The following LRRC4C variants were observed in gnomAD, a reference collection of about 807,000 sequenced individuals.
The protein encoded by LRRC4C is leucine-rich repeat-containing protein 4C.
A neutral mutation model predicts 33.6 loss-of-function variants in LRRC4C; 5 were observed. The observed-to-expected ratio is 0.15, with a 90% CI of 0.08 to 0.31. The LOEUF is 0.31. Ranked by LOEUF, LRRC4C falls within the 10% of genes least tolerant of loss-of-function variation. The pLI is 1.00. For missense variants in LRRC4C, 560 were observed against 796.7 expected (o/e 0.70, Z 3.58); for synonymous variants, 329 against 302.0 (o/e 1.09, Z -0.93).
intron 1 of LRRC4C, among the ~76,000 whole-genome samples, chr11:40,986,002 A>G (rs1852965497): frequency 6.6e-6 from 1 of 152,238 alleles, no homozygotes; most frequent in African/African-American, 2.4e-5. Context: ...GTAAGCATTT[A>G]TATACATTTT....
chr11:40,617,452 T>A (rs1961975938), intron 3 of LRRC4C, among the ~76,000 whole-genome samples: 3 of 151,696 alleles, frequency 2.0e-5, no homozygotes, highest in Non-Finnish European at 4.4e-5. Flanking sequence ...GTAGTGTAAA[T>A]TATTGCCTAG....
At chr11:41,289,993 G>A (rs907601954) in intron 1 of LRRC4C, among the ~76,000 whole-genome samples, 1 of 152,188 alleles carries the variant, frequency 6.6e-6, no homozygotes, top group Non-Finnish European at 1.5e-5. Flanking sequence ...ATGACAGGGA[G>A]TCATCAAAAT....
rs952327972 is a variant in LRRC4C at position 41,400,111 on chromosome 11, C to CATCTA, written c.-496+59315_-496+59319dup. Among the ~76,000 whole-genome samples the CATCTA allele has an allele frequency of 2.6e-5, 4 of 152,080 alleles. 1 individual carries two copies. Among genetic ancestry groups the CATCTA allele is most frequent in the African/African-American group, 9.6e-5 (4 of 41,550 alleles). ...ATTAAGAGATGAGGCTCTCAGGAAA[C>CATCTA]ATCTAATCTAAGTCAGACCCTAGTT... On this transcript the variant is annotated intron_variant, in intron 1 of 6. Transcript: ENST00000528697.
chr11:40,369,257 T>G (rs1948345654), intron 3 of LRRC4C, among the ~76,000 whole-genome samples: 1 of 152,196 alleles, frequency 6.6e-6, no homozygotes, highest in Non-Finnish European at 1.5e-5. Context: ...ATTGCTGGCA[T>G]TTCTCTTCAG....
intron 3 of LRRC4C, among the ~76,000 whole-genome samples, chr11:40,596,106 A>G (rs1959261592): frequency 6.6e-6 from 1 of 152,154 alleles, no homozygotes; most frequent in Admixed American, 6.6e-5. Flanking sequence ...CAAGTCTCAG[A>G]ATTACAGATG....
intron 3 of LRRC4C, among the ~76,000 whole-genome samples, chr11:40,591,484 C>T (rs980335983): frequency 2.0e-5 from 3 of 152,176 alleles, no homozygotes; most frequent in Non-Finnish European, 4.4e-5. Flanking sequence ...TGTTCCTATT[C>T]GGCCATCTTG....
intron 1 of LRRC4C, among the ~76,000 whole-genome samples, chr11:41,129,774 A>C (rs1942926224): frequency 6.6e-6 from 1 of 151,908 alleles, no homozygotes; most frequent in African/African-American, 2.4e-5. Context: ...ATTATTTTTA[A>C]CTAATTATCT....
chr11:41,033,955 T>C (rs1283717018), intron 1 of LRRC4C, among the ~76,000 whole-genome samples: 1 of 151,996 alleles, frequency 6.6e-6, no homozygotes, highest in African/African-American at 2.4e-5. Context: ...TGACAAAAAA[T>C]AAAAGAAAAT....
intron 3 of LRRC4C, among the ~76,000 whole-genome samples, chr11:40,434,901 GGTTT>G (rs1565384522): frequency 1.3e-5 from 2 of 152,078 alleles, no homozygotes. Context: ...GAGCTTGACT[GGTTT>G]ATTTAAAAAT....
intron 3 of LRRC4C, among the ~76,000 whole-genome samples, chr11:40,495,813 GTTTTTTTTTTTTTTTTTTTTTTTT>G (rs77683172): frequency 1.5e-5 from 1 of 67,012 alleles, no homozygotes; most frequent in Non-Finnish European, 2.8e-5. Context: ...CAATAAACAT[GTTTTTTTTTTTTTTTTTTTTTTTT>G]TTTTTTTTTT....
chr11:40,457,483 T>C (rs565889352), intron 3 of LRRC4C, among the ~76,000 whole-genome samples: 1 of 152,254 alleles, frequency 6.6e-6, no homozygotes, highest in South Asian at 2.1e-4. Flanking sequence ...GCATCCCAAA[T>C]ACCTGAACAT....
At chr11:40,550,101 G>T (rs1490241315) in intron 3 of LRRC4C, among the ~76,000 whole-genome samples, 1 of 151,978 alleles carries the variant, frequency 6.6e-6, no homozygotes, top group East Asian at 1.9e-4. Flanking sequence ...AAACTAATAG[G>T]TTACAGATAT....
At chr11:41,242,005 T>C (rs1050057282) in intron 1 of LRRC4C, among the ~76,000 whole-genome samples, 5 of 152,186 alleles carry the variant, frequency 3.3e-5, no homozygotes, top group African/African-American at 4.8e-5. Context: ...TTAAGTTTTT[T>C]TTGTATGTGT....
chr11:41,342,508 G>C (rs933178084), intron 1 of LRRC4C, among the ~76,000 whole-genome samples: 1 of 151,992 alleles, frequency 6.6e-6, no homozygotes, highest in South Asian at 2.1e-4. Context: ...TGAGGTCAGG[G>C]GTTTGAGACC....
chr11:41,210,645 G>A (rs979522060), intron 1 of LRRC4C, among the ~76,000 whole-genome samples: 1 of 152,040 alleles, frequency 6.6e-6, no homozygotes, highest in Non-Finnish European at 1.5e-5. Flanking sequence ...ATGAACATAA[G>A]GCTCTAAATC....
intron 2 of LRRC4C, among the ~76,000 whole-genome samples, chr11:40,697,521 A>G (rs1945629072): frequency 6.6e-6 from 1 of 152,136 alleles, no homozygotes; most frequent in Non-Finnish European, 1.5e-5. Context: ...AATCAGAGGA[A>G]ATCTGAACAC....
At chr11:41,201,925 C>CAAACACACACACACACACACACACACAA (rs1946415025) in intron 1 of LRRC4C, among the ~76,000 whole-genome samples, 1 of 21,186 alleles carries the variant, frequency 4.7e-5, no homozygotes, top group African/African-American at 7.6e-5. Context: ...CACACAAACA[C>CAAACACACACACACACACACACACACAA]ACACACACAC....
intron 1 of LRRC4C, among the ~76,000 whole-genome samples, chr11:41,005,064 G>A (rs1396766310): frequency 1.3e-5 from 2 of 152,104 alleles, no homozygotes; most frequent in African/African-American, 4.8e-5. Flanking sequence ...CACTTAAAAT[G>A]AGTGTTAGAA....
At chr11:40,629,349 G>C (rs1963255098) in intron 3 of LRRC4C, among the ~76,000 whole-genome samples, 1 of 151,938 alleles carries the variant, frequency 6.6e-6, no homozygotes, top group Non-Finnish European at 1.5e-5. Context: ...TATTTACAGA[G>C]CGAGATTCTC....
Sources: allele counts gnomAD v4.1 joint callset (sites outside exome capture counted in the v4.1 genomes callset), GRCh38; gene constraint gnomAD v4.1.1; transcripts MANE v1.5; gene names NCBI Gene and HGNC (gene_info 2026-07-23, HGNC 2026-07-21).